LRP1B: variants seen among roughly 807,000 people sequenced by gnomAD.
LRP1B encodes LDL receptor related protein 1B.
Under a neutral mutation model 556.6 loss-of-function variants are expected in LRP1B, and 217 were observed. That is an observed-to-expected ratio of 0.39 (90% confidence interval 0.35 to 0.44). LRP1B has a LOEUF of 0.44. LRP1B is among the 20% of genes least tolerant of loss of function. LRP1B has a pLI of 1.00. For synonymous variants in LRP1B, 2,047 were observed against 1,865.8 expected (o/e 1.10, Z -2.50); for missense variants, 5,053 against 5,620.8 (o/e 0.90, Z 3.23).
intron 32 of LRP1B, 92 bp from the exon 33 acceptor site, chr2:140,776,330 C>A (rs2104951526): frequency 3.7e-6 from 3 of 814,634 alleles, no homozygotes; most frequent in Non-Finnish European, 5.2e-6. Context: ...TCTCTGATTT[C>A]TTTTGTTATA....
At chr2:140,747,644 A>G (rs547477581) in intron 35 of LRP1B, among the ~76,000 whole-genome samples, 1 of 152,294 alleles carries the variant, frequency 6.6e-6, no homozygotes, top group African/African-American at 2.4e-5. Context: ...TACAATCTGC[A>G]GCAATCTCCT....
At chr2:140,773,533 G>T (rs554115389) in intron 33 of LRP1B, among the ~76,000 whole-genome samples, 1 of 151,386 alleles carries the variant, frequency 6.6e-6, no homozygotes, top group Non-Finnish European at 1.5e-5. Flanking sequence ...GCAAAAATAC[G>T]TGAAAAAAAG....
chr2:142,032,657 A>G (rs1703748172), intron 1 of LRP1B, among the ~76,000 whole-genome samples: 1 of 151,854 alleles, frequency 6.6e-6, no homozygotes, highest in South Asian at 2.1e-4. Flanking sequence ...TATTTTTACT[A>G]AAATTATCTT....
At chr2:141,685,165 C>A (rs907307535) in intron 2 of LRP1B, among the ~76,000 whole-genome samples, 1 of 152,030 alleles carries the variant, frequency 6.6e-6, no homozygotes, top group East Asian at 1.9e-4. Flanking sequence ...ACTTACATAT[C>A]ATTCCTGTCA....
intron 2 of LRP1B, among the ~76,000 whole-genome samples, chr2:141,568,133 C>T (rs1421069612): frequency 6.6e-6 from 1 of 150,936 alleles, no homozygotes; most frequent in African/African-American, 2.4e-5. Context: ...TATGTAGAAA[C>T]AAAAACATAA....
chr2:141,104,957 C>T (rs1044553564), intron 7 of LRP1B, among the ~76,000 whole-genome samples: 1 of 151,996 alleles, frequency 6.6e-6, no homozygotes, highest in Non-Finnish European at 1.5e-5. Context: ...CTCTAAACCT[C>T]AGTTTACTCA....
At chr2:141,576,283 A>G (rs1686739756) in intron 2 of LRP1B, among the ~76,000 whole-genome samples, 1 of 152,052 alleles carries the variant, frequency 6.6e-6, no homozygotes, top group Admixed American at 6.5e-5. Context: ...TTGCAGTGAC[A>G]TAGATGAAGC....
At chr2:140,758,903 T>C (rs1688827740) in intron 35 of LRP1B, among the ~76,000 whole-genome samples, 1 of 152,202 alleles carries the variant, frequency 6.6e-6, no homozygotes, top group South Asian at 2.1e-4. Flanking sequence ...AAAATAAAAA[T>C]TATGAATCCT....
At chr2:141,804,850 A>G (rs757040955) in intron 2 of LRP1B, among the ~76,000 whole-genome samples, 8 of 152,094 alleles carry the variant, frequency 5.3e-5, no homozygotes, top group Non-Finnish European at 1.2e-4. Flanking sequence ...TTAGTTGTCC[A>G]AGAGCAAAGA....
In LRP1B at chr2:140,705,727, T is replaced by C. The variant is rs559604305; in HGVS notation, c.6024-3174A>G. Among the ~76,000 whole-genome samples the C allele has an allele frequency of 1.1e-4, 17 of 152,138 alleles. 3 individuals are homozygous for C. The South Asian group carries it at 3.5e-3, about 31-fold the overall frequency. On this transcript the variant is annotated intron_variant, in intron 37 of 90. Transcript: ENST00000389484. Reference sequence around the variant, plus strand: ...TGCATAAAATTATTCTAAGTAAAACTATTTTTTAATCCAGAATTTACACAA... The same window carrying C: ...TGCATAAAATTATTCTAAGTAAAACCATTTTTTAATCCAGAATTTACACAA...
At chr2:141,156,602 C>A (rs888594287) in intron 7 of LRP1B, among the ~76,000 whole-genome samples, 3 of 149,844 alleles carry the variant, frequency 2.0e-5, no homozygotes, top group African/African-American at 7.5e-5. Flanking sequence ...CACTCCATCC[C>A]GGGCGACAGG....
chr2:140,478,106 T>C (rs999623009), intron 59 of LRP1B, among the ~76,000 whole-genome samples: 1 of 151,976 alleles, frequency 6.6e-6, no homozygotes, highest in African/African-American at 2.4e-5. Flanking sequence ...AAAATGACGT[T>C]TTATTTCTTT....
At chr2:141,148,714 C>T (rs1359727242) in intron 7 of LRP1B, among the ~76,000 whole-genome samples, 1 of 152,120 alleles carries the variant, frequency 6.6e-6, no homozygotes, top group Non-Finnish European at 1.5e-5. Flanking sequence ...GATGGATGTT[C>T]TCAGTGGAAC....
intron 2 of LRP1B, among the ~76,000 whole-genome samples, chr2:141,553,663 T>G (rs1389513863): frequency 6.9e-6 from 1 of 145,362 alleles, no homozygotes; most frequent in Non-Finnish European, 1.5e-5. Flanking sequence ...TAATTTTATA[T>G]ATAACATATA....
intron 32 of LRP1B, among the ~76,000 whole-genome samples, chr2:140,780,856 A>G (rs1378499617): frequency 6.6e-6 from 1 of 152,178 alleles, no homozygotes; most frequent in Non-Finnish European, 1.5e-5. Context: ...TTCCTTGACA[A>G]CTAGAAGGTA....
At chr2:142,038,903 T>G (rs2105211126) in intron 1 of LRP1B, among the ~76,000 whole-genome samples, 1 of 151,750 alleles carries the variant, frequency 6.6e-6, no homozygotes, top group African/African-American at 2.4e-5. Context: ...GCTAAAACAT[T>G]AAATGAAATC....
At chr2:141,736,946 A>G (rs1304442080) in intron 2 of LRP1B, among the ~76,000 whole-genome samples, 1 of 152,170 alleles carries the variant, frequency 6.6e-6, no homozygotes, top group Non-Finnish European at 1.5e-5. Flanking sequence ...GGGAACTTAG[A>G]TTTCCTCTGG....
intron 63 of LRP1B, among the ~76,000 whole-genome samples, chr2:140,448,011 T>G (rs1686738631): frequency 6.6e-6 from 1 of 152,042 alleles, no homozygotes; most frequent in Admixed American, 6.6e-5. Context: ...ACAATTACAA[T>G]AGTATTAATA....
intron 3 of LRP1B, among the ~76,000 whole-genome samples, chr2:141,443,974 C>A (rs1179141869): frequency 2.0e-5 from 3 of 152,002 alleles, no homozygotes; most frequent in Non-Finnish European, 4.4e-5. Flanking sequence ...TGAAGAAAGG[C>A]AATGGTAGCT....
Sources: allele counts gnomAD v4.1 joint callset (sites outside exome capture counted in the v4.1 genomes callset), GRCh38; gene constraint gnomAD v4.1.1; transcripts MANE v1.5; gene names NCBI Gene and HGNC (gene_info 2026-07-23, HGNC 2026-07-21).